The following CUL4A variants were observed in gnomAD, a reference collection of about 807,000 sequenced individuals.
CUL4A encodes the protein cullin-4A.
In CUL4A, 16 loss-of-function variants were observed where a neutral mutation model predicts 95.5. The observed-to-expected ratio is 0.17, with a 90% CI of 0.11 to 0.25. The LOEUF is 0.25. CUL4A is among the 10% of genes least tolerant of loss of function. CUL4A has a pLI of 1.00. For missense variants in CUL4A, 610 were observed against 937.0 expected, an observed-to-expected ratio of 0.65 and a Z score of 4.56; for synonymous variants, 380 against 353.1, an observed-to-expected ratio of 1.08 and a Z score of -0.85.
intron 1 of CUL4A, 37 bp from the exon 2 acceptor site, chr13:113,209,934 GGC>G (rs1321127865): frequency 7.0e-7 from 1 of 1,431,622 alleles, no homozygotes; most frequent in Non-Finnish European, 9.2e-7. Context: ...GGCGCTTCGC[GGC>G]GCGCCCTGAG....
chr13:113,258,165 AT>A (rs781402791), intron 18 of CUL4A, among the ~76,000 whole-genome samples: 3 of 151,808 alleles, frequency 2.0e-5, no homozygotes, highest in Non-Finnish European at 4.4e-5. Context: ...AAATTTTTGT[AT>A]TTTTTGTAGA....
rs1031308231 is a variant in CUL4A at position 113,254,964 on chromosome 13, T to C, written c.1870T>C (p.Leu624=). 7 of 1,611,088 alleles carry C rather than the reference T, an allele frequency of 4.3e-6. No homozygotes were observed. The highest frequency in any genetic ancestry group is 5.9e-6 in the Non-Finnish European group (7 of 1,178,582). ...KMATGIEDSE[L]RRTLQSLACG... ...TGCTTCCCATTCAGAGGATAGTGAATTGCGCAGAACGCTGCAGTCCCTGGC... is the reference window on the plus strand; with the variant it reads ...TGCTTCCCATTCAGAGGATAGTGAACTGCGCAGAACGCTGCAGTCCCTGGC... The change falls in exon 18 of 20, where the codon TTG becomes CTG. Residue 624 remains leucine (L), a synonymous_variant. Coordinates refer to ENST00000375440, the MANE Select transcript of CUL4A (RefSeq NM_001008895.4).
In CUL4A at chr13:113,219,031, G is replaced by A; in HGVS notation, c.351G>A (p.Gln117=). The A allele has an allele frequency of 6.2e-7, 1 of 1,608,596 alleles. No individual in the cohort carries two copies. Among genetic ancestry groups the A allele is most frequent in the Non-Finnish European group, 8.5e-7 (1 of 1,177,748 alleles). ...CCTGTGAAGACCACGTCCAGGCACA[G>A]ATCCTTCCGTTTAGAGAATATCCTT... ...RQACEDHVQA[Q]ILPFREDSLD... The change falls in exon 3 of 20, where the codon CAG becomes CAA. Residue 117 remains glutamine, a synonymous_variant. Coordinates refer to ENST00000375440, the MANE Select transcript of CUL4A (RefSeq NM_001008895.4).
At chr13:113,242,855 A>G (rs1595403275) in intron 10 of CUL4A, 113 bp from the exon 11 acceptor site, 1 of 774,540 alleles carries the variant, frequency 1.3e-6, no homozygotes, top group Non-Finnish European at 2.0e-6. Flanking sequence ...GTTATTGAGT[A>G]TTTACTACTA....
chr13:113,235,731 G>A (rs771488708), intron 8 of CUL4A, among the ~76,000 whole-genome samples: 9 of 152,092 alleles, frequency 5.9e-5, no homozygotes, highest in Non-Finnish European at 1.2e-4. Context: ...AGCACTTTGG[G>A]AGGCTGAGGT....
rs2042352558 is a variant in CUL4A at position 113,263,912 on chromosome 13, T to G, written c.*330T>G. 1 of 196,192 alleles carries G rather than the reference T, an allele frequency of 5.1e-6. No homozygotes were observed. Among genetic ancestry groups the G allele is most frequent in the South Asian group, 1.7e-4 (1 of 5,878 alleles). The allele number at this position is 196,192 out of a possible 1,614,324, so 12.2% of individuals were successfully genotyped here. On this transcript the variant is annotated 3_prime_UTR_variant, in exon 20 of 20. Coordinates refer to ENST00000375440, the MANE Select transcript of CUL4A (RefSeq NM_001008895.4). ...TTCTTGTGTCAAAAAGCTGCAAGTT[T>G]GGTTTGTTCTCGTGTGTGATCATGA... is the stretch of plus-strand genomic sequence containing the variant.
intron 2 of CUL4A, among the ~76,000 whole-genome samples, chr13:113,211,465 A>T (rs979971143): frequency 2.0e-5 from 3 of 152,028 alleles, no homozygotes; most frequent in Admixed American, 6.5e-5. Context: ...GCTCACTGCA[A>T]CCTCCACCTC....
In CUL4A at chr13:113,209,650, A is replaced by C; in HGVS notation, c.23A>C (p.Lys8Thr). 1 of 1,110,594 alleles carries C rather than the reference A, an allele frequency of 9.0e-7. No individual in the cohort carries two copies. Among genetic ancestry groups the C allele is most frequent in the Non-Finnish European group, 1.1e-6 (1 of 912,290 alleles). 68.8% of individuals were successfully genotyped at this position (1,110,594 alleles called of 1,614,324 possible). A position where few individuals can be genotyped will look rare whatever the true frequency, so the allele number is the denominator to read the frequency against. MADEAPR[K>T]GSFSALVGRT... ...GCCATGGCGGACGAGGCCCCGCGGA[A>C]GGGCAGCTTCTCGGCGCTCGTGGGC... The change falls in exon 1 of 20, where the codon AAG becomes ACG. Residue 8 changes from lysine to threonine, a missense_variant. By Grantham distance (78) the Lys-to-Thr change is moderately conservative (BLOSUM62 -1). Around this residue, in one of 10 missense-constraint regions of CUL4A, gnomAD observed 168 missense variants for 185.5 expected, o/e 0.91. Coordinates refer to ENST00000375440, the MANE Select transcript of CUL4A (RefSeq NM_001008895.4).
intron 7 of CUL4A, 22 bp from the exon 8 acceptor site, chr13:113,235,041 A>C (rs2287249): frequency 6.6e-7 from 1 of 1,521,338 alleles, no homozygotes. Context: ...TTACTGATAC[A>C]TTTAATTGTT....
At chr13:113,222,439 G>A (rs1056102166) in intron 3 of CUL4A, among the ~76,000 whole-genome samples, 2 of 152,280 alleles carry the variant, frequency 1.3e-5, no homozygotes, top group South Asian at 2.1e-4. Context: ...AACCAGACAC[G>A]GATTGAGGCG....
rs143357494 is a variant in CUL4A, at chr13:113,215,689, G to C, written c.265-3256G>C. On this transcript the variant is annotated intron_variant, in intron 2 of 19. Coordinates refer to ENST00000375440, the MANE Select transcript of CUL4A (RefSeq NM_001008895.4). ...AGGTCTCTGTGTGACTATGGAGGTC[G>C]CGTCCCATGTGGCTGTGGAGGTCGC... 1.4e-4 allele frequency among the ~76,000 whole-genome samples: 18 copies of C among 131,572 alleles called. No individual in the cohort carries two copies. The South Asian group carries it at 1.6e-3, about 12-fold the overall frequency. The allele number at this position is 131,572 out of a possible 152,430, so 86.3% of individuals were successfully genotyped here. A position where few individuals can be genotyped will look rare whatever the true frequency, so the allele number is the denominator to read the frequency against.
chr13:113,211,031 C>T (rs762794018), intron 2 of CUL4A, among the ~76,000 whole-genome samples: 2 of 152,148 alleles, frequency 1.3e-5, no homozygotes, highest in Non-Finnish European at 2.9e-5. Flanking sequence ...CATGCAGTTA[C>T]GTAACCGGCA....
chr13:113,221,628 G>C lies in CUL4A; in HGVS notation c.368+2580G>C, dbSNP rs374225827. Among the ~76,000 whole-genome samples, 58 of 152,172 alleles carry C rather than the reference G, an allele frequency of 3.8e-4. 2 individuals carry two copies. The East Asian group carries it at 0.01, about 27-fold the overall frequency. On this transcript the variant is annotated intron_variant, in intron 3 of 19. Coordinates refer to ENST00000375440, the MANE Select transcript of CUL4A (RefSeq NM_001008895.4). ...GAGTCTTGCTCTGTCACCCAGGCTAGAGTGCAGTGGCACGATCTCGGCTCA... is the reference window on the plus strand; with the variant it reads ...GAGTCTTGCTCTGTCACCCAGGCTACAGTGCAGTGGCACGATCTCGGCTCA...
intron 18 of CUL4A, among the ~76,000 whole-genome samples, chr13:113,258,405 A>G (rs925055508): frequency 6.6e-6 from 1 of 152,236 alleles, no homozygotes; most frequent in African/African-American, 2.4e-5. Flanking sequence ...TTTTTAATCC[A>G]TATTGCATTA....
chr13:113,243,029 T>C lies in CUL4A; in HGVS notation c.1097T>C (p.Leu366Ser). 6.2e-7 allele frequency: 1 copy of C among 1,614,196 alleles called. No homozygotes were observed. The highest frequency in any genetic ancestry group is 8.5e-7 in the Non-Finnish European group (1 of 1,180,018). Residue 366 changes from leucine to serine, a missense_variant, in exon 11 of 20, where the codon TTG (leucine) becomes TCG (serine). Physicochemically the swap from Leu to Ser is moderately radical, Grantham distance 145. Transcript: ENST00000375440. ...EKDKDMVQDL[L>S]DFKDKVDHVI... ...GACAAAGACATGGTCCAAGACCTGT[T>C]GGACTTCAAGGACAAGGTGGACCAC...
In CUL4A at chr13:113,232,078, CCGCCCACCACCA is replaced by C. The variant is rs1566343057; in HGVS notation, c.513-1098_513-1087del. ...CCACCACCATTACTGTCACCACTAC[CCGCCCACCACCA>C]TTACTGTCACCACTACCCGCCCACC... is the stretch of plus-strand genomic sequence containing the variant. On this transcript the variant is annotated intron_variant, in intron 5 of 19. Transcript: ENST00000375440. Among the ~76,000 whole-genome samples the C allele has an allele frequency of 1.9e-3, 260 of 138,624 alleles. 34 individuals are homozygous for C. The highest frequency in any genetic ancestry group is 6.5e-3 in the African/African-American group (229 of 35,026). The allele number at this position is 138,624 out of a possible 152,430, so 90.9% of individuals were successfully genotyped here.
At chr13:113,208,205 T>A (rs2040074688), upstream of CUL4A, 4 of 1,545,356 alleles carry the variant, frequency 2.6e-6, no homozygotes, top group Non-Finnish European at 2.6e-6. Context: ...TCATCCCGCA[T>A]CCTGCTGGGA....
At chr13:113,214,004 A>G (rs991200760) in intron 2 of CUL4A, among the ~76,000 whole-genome samples, 2 of 152,260 alleles carry the variant, frequency 1.3e-5, no homozygotes, top group African/African-American at 4.8e-5. Context: ...CAAGCAGGCA[A>G]TACATTTGAC....
rs1336064582 is a variant in CUL4A at position 113,239,561 on chromosome 13, G to A, written c.1035+10G>A. On this transcript the variant is annotated intron_variant, in intron 10 of 19. Transcript: ENST00000375440. The stretch of plus-strand genomic sequence containing the variant: ...GAGCGAGTACATCAAGGTACTGGCG[G>A]GGTTTTGAGGCCGCGGGCGTGGGCA... The A allele has an allele frequency of 6.3e-7, 1 of 1,598,972 alleles. No individual in the cohort carries two copies. The highest frequency in any genetic ancestry group is 8.5e-7 in the Non-Finnish European group (1 of 1,170,278).
Sources: gnomAD v4.1 joint callset for allele counts (sites outside exome capture counted in the v4.1 genomes callset) on GRCh38, gnomAD v4.1.1 for gene constraint, gnomAD v4.1.1 regional missense constraint, MANE v1.5 for transcripts, NCBI Gene and HGNC (gene_info 2026-07-23, HGNC 2026-07-21) for gene names.